PTCHD4: variants seen among roughly 807,000 people sequenced by gnomAD.
PTCHD4 encodes the protein patched domain containing 4, also known as patched domain-containing protein 4.
PTCHD4 carries 33 observed loss-of-function variants against 58.1 expected under a neutral mutation model. That is an observed-to-expected ratio of 0.57 (90% CI 0.43 to 0.76). The LOEUF (loss-of-function observed/expected upper bound fraction) is 0.76. Among genes scored for constraint, PTCHD4 ranks in the 30% least tolerant of loss-of-function variants. PTCHD4 has a pLI of 0.00. For synonymous variants in PTCHD4, 478 were observed against 409.6 expected, an observed-to-expected ratio of 1.17 and a Z score of -2.02; for missense variants, 1,058 against 1,027.1, an observed-to-expected ratio of 1.03 and a Z score of -0.41.
At chr6:48,023,860 C>CCCATT (rs1251012111) in intron 3 of PTCHD4, among the ~76,000 whole-genome samples, 6 of 152,218 alleles carry the variant, frequency 3.9e-5, no homozygotes, top group African/African-American at 1.4e-4. Context: ...AGAGGAAAGA[C>CCCATT]CCATAGTTCA....
chr6:47,880,671 C>T (rs531492934), intron 4 of PTCHD4, among the ~76,000 whole-genome samples: 5 of 152,202 alleles, frequency 3.3e-5, no homozygotes, highest in South Asian at 4.1e-4. Flanking sequence ...TTGACTGCTT[C>T]GTTAAAGTGA....
chr6:48,015,438 C>G (rs1582024504), intron 3 of PTCHD4, among the ~76,000 whole-genome samples: 1 of 151,996 alleles, frequency 6.6e-6, no homozygotes, highest in Non-Finnish European at 1.5e-5. Context: ...GTCCTCAGAC[C>G]TGTCTCCTAT....
At position 48,078,532 on chromosome 6, in the gene PTCHD4, A is replaced by G. The variant is rs555283792; in HGVS notation, c.-969-8606T>C. ...TTAGTCATTTAAATAAACATTTTCT[A>G]ATTTGGGAAGAAGTACAACAAATTT... On this transcript the variant is annotated intron_variant, in intron 1 of 4. Transcript: ENST00000339488. 2.4e-4 allele frequency among the ~76,000 whole-genome samples: 36 copies of G among 152,298 alleles called. No individual in the cohort carries two copies. In the South Asian group the frequency reaches 7.0e-3, roughly 30 times the overall value.
chr6:48,037,297 T>C (rs1213942901), intron 3 of PTCHD4, among the ~76,000 whole-genome samples: 2 of 152,192 alleles, frequency 1.3e-5, no homozygotes, highest in East Asian at 1.9e-4. Context: ...AACTAAACTT[T>C]ATCATAGGTA....
chr6:48,042,310 A>G (rs1763875694), intron 3 of PTCHD4, among the ~76,000 whole-genome samples: 1 of 152,006 alleles, frequency 6.6e-6, no homozygotes, highest in Non-Finnish European at 1.5e-5. Flanking sequence ...GGCAAACACC[A>G]TAAGCAGTCA....
At chr6:48,052,052 G>A (rs560591978) in intron 3 of PTCHD4, among the ~76,000 whole-genome samples, 4 of 152,162 alleles carry the variant, frequency 2.6e-5, no homozygotes, top group Middle Eastern at 3.4e-3. Flanking sequence ...CAAGCACAGT[G>A]TCTGAAACAA....
At position 48,008,698 on chromosome 6, in the gene PTCHD4, C is replaced by T; in HGVS notation, c.834G>A (p.Gly278=). The change falls in exon 4 of 5, where the codon GGG becomes GGA. Residue 278 remains glycine, a synonymous_variant. Coordinates refer to ENST00000339488, the MANE Select transcript of PTCHD4 (RefSeq NM_001384253.1). The part of the protein sequence containing the change: ...TVCISIITAA[G]IFFITDGKYN... The stretch of plus-strand genomic sequence containing the variant: ...ACTTTCCATCGGTGATGAAGAAGAT[C>T]CCTGCTGCTGTGATGATGGAGATGC... The T allele has an allele frequency of 6.2e-7, 1 of 1,613,682 alleles. No individual in the cohort carries two copies.
chr6:47,961,122 A>T (rs1001352993), intron 4 of PTCHD4, among the ~76,000 whole-genome samples: 1 of 152,078 alleles, frequency 6.6e-6, no homozygotes, highest in Non-Finnish European at 1.5e-5. Context: ...TTAAAAAAAA[A>T]TTTCAGGTTC....
intron 1 of PTCHD4, among the ~76,000 whole-genome samples, chr6:48,079,821 G>C (rs138272132): frequency 0.012 from 1,866 of 151,790 alleles, 33 homozygotes; most frequent in South Asian, 0.047. Flanking sequence ...CTGCTCCTAG[G>C]AGCTGAAACT....
chr6:48,054,330 A>G (rs939262757), intron 3 of PTCHD4, among the ~76,000 whole-genome samples: 1 of 152,182 alleles, frequency 6.6e-6, no homozygotes, highest in Admixed American at 6.5e-5. Context: ...TGGCCTATAA[A>G]TAACTCAGGT....
Position 48,068,775 on chromosome 6 carries a change from C to T in PTCHD4, c.6-134G>A. The T allele has an allele frequency of 1.3e-6, 1 of 771,974 alleles. No homozygotes were observed. Among genetic ancestry groups the T allele is most frequent in the Non-Finnish European group, 2.0e-6 (1 of 493,652 alleles). The allele number at this position is 771,974 out of a possible 1,614,324, so 47.8% of individuals were successfully genotyped here. On this transcript the variant is annotated intron_variant, in intron 2 of 4. Coordinates refer to ENST00000339488, the MANE Select transcript of PTCHD4 (RefSeq NM_001384253.1). This position sits in a 1 kb window ranked among gnomAD's most constrained non-coding sequence, Gnocchi z 4.2. ...CCGCGCTCACCCCACAACCACTCCG[C>T]CTGGTCTTTCCCCGGCCCCACCTCC...
chr6:48,087,086 T>C (rs938781517), intron 1 of PTCHD4, among the ~76,000 whole-genome samples: 2 of 152,202 alleles, frequency 1.3e-5, no homozygotes, highest in Non-Finnish European at 2.9e-5. Context: ...TCCTATCACC[T>C]ACCCACCAAT....
At chr6:47,949,854 G>C (rs1766569301) in intron 4 of PTCHD4, among the ~76,000 whole-genome samples, 1 of 151,612 alleles carries the variant, frequency 6.6e-6, no homozygotes, top group African/African-American at 2.4e-5. Flanking sequence ...AACTAATGCA[G>C]TAAGGAACTT....
chr6:48,108,036 A>G (rs9463374), intron 1 of PTCHD4, among the ~76,000 whole-genome samples: 94,508 of 151,898 alleles, frequency 0.62, 29,998 homozygotes, highest in African/African-American at 0.74. Flanking sequence ...TGTGGAAGTC[A>G]GTGTGGCGAT....
In PTCHD4 at chr6:47,879,578, G is replaced by A; in HGVS notation, c.1257C>T (p.Phe419=). 6.2e-7 allele frequency: 1 copy of A among 1,613,756 alleles called. No homozygotes were observed. The highest frequency in any genetic ancestry group is 8.5e-7 in the Non-Finnish European group (1 of 1,179,784). Residue 419 remains phenylalanine (F), a synonymous_variant, in exon 5 of 5, where the codon TTC becomes TTT. Transcript: ENST00000339488. ...GATGCCCATCACTCATCACTGTCTG[G>A]AACCACACAGGTTTGCGATCCAGGT... ...AEYLDRKPVW[F]QTVMSDGHQQ...
chr6:48,103,651 C>T (rs1021609331), intron 1 of PTCHD4, among the ~76,000 whole-genome samples: 8 of 152,106 alleles, frequency 5.3e-5, no homozygotes, highest in African/African-American at 1.4e-4. Flanking sequence ...CAAACTACTC[C>T]GAGCTAAAGG....
intron 1 of PTCHD4, among the ~76,000 whole-genome samples, chr6:48,077,830 G>C (rs764495029): frequency 3.3e-5 from 5 of 152,102 alleles, no homozygotes; most frequent in Non-Finnish European, 5.9e-5. Context: ...ATTTAAGTTT[G>C]CAATCTTGTA....
chr6:48,060,583 T>C (rs1464376223), intron 3 of PTCHD4, among the ~76,000 whole-genome samples: 1 of 152,156 alleles, frequency 6.6e-6, no homozygotes, highest in Non-Finnish European at 1.5e-5. Flanking sequence ...AAGGCATCCT[T>C]CTACCTCTGC....
chr6:47,978,738 G>A (rs985914487), intron 4 of PTCHD4, among the ~76,000 whole-genome samples: 1 of 152,114 alleles, frequency 6.6e-6, no homozygotes, highest in African/African-American at 2.4e-5. Context: ...TAAGTAACTT[G>A]TCTACCAACA....
Sources: allele counts gnomAD v4.1 joint callset (sites outside exome capture counted in the v4.1 genomes callset), GRCh38; gene constraint gnomAD v4.1.1; non-coding constraint Gnocchi (gnomAD v3.1); transcripts MANE v1.5; gene names NCBI Gene and HGNC (gene_info 2026-07-23, HGNC 2026-07-21).